ERC2: variants seen among roughly 807,000 people sequenced by gnomAD.
ERC2 encodes the protein ERC protein 2.
In ERC2, 42 loss-of-function variants were observed where a neutral mutation model predicts 114.8. The ratio of observed to expected loss-of-function variants is 0.37; its 90% CI spans 0.29 to 0.47. The LOEUF is 0.47. Among genes scored for constraint, ERC2 ranks in the 20% least tolerant of loss-of-function variants. The pLI, the probability that ERC2 is intolerant of heterozygous loss-of-function variation, is 0.99. For missense variants in ERC2, 939 were observed against 1,150.7 expected, an observed-to-expected ratio of 0.82 and a Z score of 2.66; for synonymous variants, 454 against 425.5, an observed-to-expected ratio of 1.07 and a Z score of -0.82.
At chr3:56,076,765 C>T (rs1205858853) in intron 7 of ERC2, among the ~76,000 whole-genome samples, 1 of 152,152 alleles carries the variant, frequency 6.6e-6, no homozygotes, top group South Asian at 2.1e-4. Flanking sequence ...TTCAGCCTCA[C>T]TTCCTTCTTC....
At chr3:55,538,129 G>C (rs1696241) in intron 17 of ERC2, among the ~76,000 whole-genome samples, 101,193 of 152,134 alleles carry the variant, frequency 0.67, 34,754 homozygotes, top group East Asian at 0.84. Flanking sequence ...ATCTCTTCCT[G>C]TTTGGGGTTT....
intron 14 of ERC2, among the ~76,000 whole-genome samples, chr3:55,809,272 C>G (rs1413413372): frequency 6.6e-6 from 1 of 152,090 alleles, no homozygotes; most frequent in Non-Finnish European, 1.5e-5. Context: ...CCAGTCACAG[C>G]ATTTAGGGTA....
At chr3:56,218,218 G>T (rs988574017) in intron 3 of ERC2, among the ~76,000 whole-genome samples, 1 of 152,072 alleles carries the variant, frequency 6.6e-6, no homozygotes, top group Non-Finnish European at 1.5e-5. Flanking sequence ...CAGAATGGGA[G>T]AAAATTTTTG....
chr3:55,702,621 G>T (rs1044138222), intron 15 of ERC2, among the ~76,000 whole-genome samples: 1 of 151,958 alleles, frequency 6.6e-6, no homozygotes, highest in Non-Finnish European at 1.5e-5. Context: ...GGTCTGGAAG[G>T]ACAGGAAGTC....
chr3:56,351,954 G>C (rs953820763), intron 2 of ERC2, among the ~76,000 whole-genome samples: 28 of 152,248 alleles, frequency 1.8e-4, no homozygotes, highest in African/African-American at 5.8e-4. Flanking sequence ...TGAGATACAG[G>C]GAGTAGAGGA....
intron 2 of ERC2, among the ~76,000 whole-genome samples, chr3:56,361,202 G>A (rs988605533): frequency 6.6e-6 from 1 of 152,082 alleles, no homozygotes; most frequent in African/African-American, 2.4e-5. Flanking sequence ...GGCAGCTGCT[G>A]CACCAGGACG....
intron 12 of ERC2, among the ~76,000 whole-genome samples, chr3:55,958,847 G>A (rs1559934378): frequency 6.6e-6 from 1 of 152,196 alleles, no homozygotes; most frequent in African/African-American, 2.4e-5. Context: ...GGGCACTGGG[G>A]GCTTCCCGGC....
chr3:55,595,279 C>G (rs538976619), intron 17 of ERC2, among the ~76,000 whole-genome samples: 17 of 152,284 alleles, frequency 1.1e-4, no homozygotes, highest in African/African-American at 4.1e-4. Flanking sequence ...ATTGATATGA[C>G]TTGCTTATCT....
Position 55,914,416 on chromosome 3 carries a change from A to G in ERC2, c.2404-25867T>C, listed in dbSNP as rs926924275. 3.9e-5 allele frequency among the ~76,000 whole-genome samples: 6 copies of G among 152,326 alleles called. No homozygotes were observed. The South Asian group carries it at 1.2e-3, about 32-fold the overall frequency. Reference sequence around the variant, plus strand: ...AATGAAACAGAAGTTCAGAAAACTCACAGGCCACGAATCTGCTTACTTCAG... The same window carrying G: ...AATGAAACAGAAGTTCAGAAAACTCGCAGGCCACGAATCTGCTTACTTCAG... On this transcript the variant is annotated intron_variant, in intron 13 of 17. Coordinates refer to ENST00000288221, the MANE Select transcript of ERC2 (RefSeq NM_015576.3).
chr3:56,372,723 G>T (rs1321566100), intron 2 of ERC2, among the ~76,000 whole-genome samples: 1 of 151,860 alleles, frequency 6.6e-6, no homozygotes, highest in Non-Finnish European at 1.5e-5. Flanking sequence ...GAGACACTCT[G>T]CCTTGAAAAA....
intron 2 of ERC2, among the ~76,000 whole-genome samples, chr3:56,322,442 A>G (rs531543853): frequency 3.3e-5 from 5 of 152,192 alleles, no homozygotes; most frequent in African/African-American, 1.2e-4. Flanking sequence ...AATAGAACTC[A>G]GAGGTGAGGT....
chr3:56,068,504 T>G (rs2076583226), intron 7 of ERC2, among the ~76,000 whole-genome samples: 1 of 152,130 alleles, frequency 6.6e-6, no homozygotes, highest in South Asian at 2.1e-4. Context: ...AGCCCCTGGA[T>G]TCATGATTTT....
At chr3:55,615,449 C>CT (rs2059085078) in intron 17 of ERC2, among the ~76,000 whole-genome samples, 1 of 152,176 alleles carries the variant, frequency 6.6e-6, no homozygotes, top group Non-Finnish European at 1.5e-5. Flanking sequence ...CCCTCTTGTC[C>CT]TTCCTCCTGT....
Position 55,819,649 on chromosome 3 carries a change from A to C in ERC2, c.2564+68740T>G, listed in dbSNP as rs147505635. 1.4e-4 allele frequency among the ~76,000 whole-genome samples: 21 copies of C among 152,358 alleles called. No individual in the cohort carries two copies. In the East Asian group the frequency reaches 4.0e-3, roughly 29 times the overall value. ...CACACACAGAGAGAAAAGAAAGGAA[A>C]GGCTCTGGAGCCCATTTTTGTTCTC... On this transcript the variant is annotated intron_variant, in intron 14 of 17. Coordinates refer to ENST00000288221, the MANE Select transcript of ERC2 (RefSeq NM_015576.3).
chr3:55,538,011 A>G (rs2107318832), intron 17 of ERC2, among the ~76,000 whole-genome samples: 1 of 152,310 alleles, frequency 6.6e-6, no homozygotes, highest in African/African-American at 2.4e-5. Flanking sequence ...AGATTGTATG[A>G]TCAGCATGTC....
chr3:56,275,282 C>A (rs563740168), intron 3 of ERC2, among the ~76,000 whole-genome samples: 1 of 152,196 alleles, frequency 6.6e-6, no homozygotes, highest in Non-Finnish European at 1.5e-5. Flanking sequence ...TCCTCACCCT[C>A]TGATATCATC....
chr3:56,329,099 TA>T (rs1226328690), intron 2 of ERC2, among the ~76,000 whole-genome samples: 1 of 152,208 alleles, frequency 6.6e-6, no homozygotes, highest in Non-Finnish European at 1.5e-5. Context: ...TATTTTCCAA[TA>T]AAAGGATACT....
chr3:56,364,481 A>G (rs986298952), intron 2 of ERC2, among the ~76,000 whole-genome samples: 1 of 152,254 alleles, frequency 6.6e-6, no homozygotes, highest in African/African-American at 2.4e-5. Context: ...TTCACTTTAA[A>G]TGGGTGAACT....
chr3:55,760,033 C>T (rs1004479622), intron 14 of ERC2, among the ~76,000 whole-genome samples: 9 of 152,152 alleles, frequency 5.9e-5, no homozygotes, highest in African/African-American at 1.9e-4. Context: ...CATAAACCCC[C>T]TACCAAACAG....
Sources: allele counts gnomAD v4.1 joint callset (sites outside exome capture counted in the v4.1 genomes callset), GRCh38; gene constraint gnomAD v4.1.1; transcripts MANE v1.5; gene names NCBI Gene and HGNC (gene_info 2026-07-23, HGNC 2026-07-21).